The following CACNA1B variants were observed in gnomAD, a reference collection of about 807,000 sequenced individuals.
CACNA1B encodes the protein voltage-dependent N-type calcium channel subunit alpha-1B.
A neutral mutation model predicts 247.2 loss-of-function variants in CACNA1B; 70 were observed. The ratio of observed to expected loss-of-function variants is 0.28; its 90% CI spans 0.23 to 0.35. The LOEUF (loss-of-function observed/expected upper bound fraction) is 0.35. Among genes scored for constraint, CACNA1B ranks in the 10% least tolerant of loss-of-function variants. CACNA1B has a pLI of 1.00. For synonymous variants in CACNA1B, 1,231 were observed against 1,294.4 expected (o/e 0.95, Z 1.05); for missense variants, 2,367 against 3,197.4 (o/e 0.74, Z 6.26).
chr9:138,090,910 C>CA (rs984116600), intron 36 of CACNA1B, among the ~76,000 whole-genome samples: 8 of 150,828 alleles, frequency 5.3e-5, no homozygotes, highest in Admixed American at 4.6e-4. Context: ...CAAAAACACA[C>CA]AAAAAAAATA....
chr9:138,064,256 G>T (rs776677273), intron 31 of CACNA1B, among the ~76,000 whole-genome samples: 6 of 152,128 alleles, frequency 3.9e-5, no homozygotes, highest in Non-Finnish European at 8.8e-5. Flanking sequence ...AATGGTTGCT[G>T]TCTGGATCCA....
intron 20 of CACNA1B, among the ~76,000 whole-genome samples, chr9:138,027,100 T>A (rs1958930518): frequency 6.6e-6 from 1 of 152,264 alleles, no homozygotes; most frequent in African/African-American, 2.4e-5. Flanking sequence ...TTTTACCCAC[T>A]TTTTATTCTG....
intron 39 of CACNA1B, among the ~76,000 whole-genome samples, chr9:138,106,507 T>C (rs111248862): frequency 3.3e-5 from 5 of 152,336 alleles, no homozygotes; most frequent in Middle Eastern, 3.4e-3. Context: ...CGGTGGCTCA[T>C]GCCTGTAATC....
chr9:137,921,592 C>T (rs1259469370), intron 6 of CACNA1B, among the ~76,000 whole-genome samples: 1 of 146,302 alleles, frequency 6.8e-6, no homozygotes, highest in Non-Finnish European at 1.5e-5. Context: ...ATGATCAACA[C>T]CACGACCGCA....
rs754441803 is a variant in CACNA1B at position 138,120,697 on chromosome 9, G to A, written c.6305G>A (p.Arg2102Gln). 9 of 1,518,144 alleles carry A rather than the reference G, an allele frequency of 5.9e-6. No individual in the cohort carries two copies. The highest frequency in any genetic ancestry group is 2.5e-5 in the Admixed American group (1 of 39,660). 94.0% of individuals were successfully genotyped at this position (1,518,144 alleles called of 1,614,324 possible). A position where few individuals can be genotyped will look rare whatever the true frequency, so the allele number is the denominator to read the frequency against. ...GEGPTGCRRERERRQERGRSQ... is the reference protein window; with the variant it reads ...GEGPTGCRREQERRQERGRSQ... ...GGGCCTACAGGCTGCCGGCGGGAAC[G>A]AGAGCGCCGGCAGGAGCGGGGCCGG... The change falls in exon 46 of 47, where the codon CGA becomes CAA. Residue 2102 changes from arginine (R) to glutamine (Q), a missense_variant. This residue lies in a region of CACNA1B where 773 missense variants were observed against 779.4 expected (regional missense o/e 0.99). Transcript: ENST00000371372.
intron 16 of CACNA1B, among the ~76,000 whole-genome samples, chr9:138,009,570 G>A (rs1958698388): frequency 6.6e-6 from 1 of 152,248 alleles, no homozygotes; most frequent in African/African-American, 2.4e-5. Context: ...CCTGGAGCCT[G>A]TGGAGTAGGA....
chr9:138,028,023 C>CTTTTTTTTT, intron 20 of CACNA1B, among the ~76,000 whole-genome samples: 1 of 98,748 alleles, frequency 1.0e-5, no homozygotes, highest in Non-Finnish European at 2.0e-5. Flanking sequence ...CCCCCCCAAC[C>CTTTTTTTTT]TTTTTTTTTT....
At chr9:138,009,918 A>G in intron 16 of CACNA1B, 92 bp from the exon 17 acceptor site, 1 of 987,184 alleles carries the variant, frequency 1.0e-6, no homozygotes, top group South Asian at 1.4e-5. Context: ...AGGAGGCTGG[A>G]GGCTGGTTGG....
chr9:138,037,126 T>C (rs1959056322), intron 20 of CACNA1B, among the ~76,000 whole-genome samples: 1 of 152,210 alleles, frequency 6.6e-6, no homozygotes, highest in Non-Finnish European at 1.5e-5. Context: ...TCCCGTAGAA[T>C]TTCTCAGTTT....
intron 41 of CACNA1B, 133 bp from the exon 42 acceptor site, chr9:138,115,419 A>T: frequency 1.1e-6 from 1 of 903,882 alleles, no homozygotes. Context: ...GCCCCTTGCT[A>T]AGGGGAAAGA....
intron 6 of CACNA1B, among the ~76,000 whole-genome samples, chr9:137,951,229 C>T (rs1046161527): frequency 3.3e-5 from 5 of 152,218 alleles, no homozygotes; most frequent in African/African-American, 9.7e-5. Context: ...CTGAATGTCA[C>T]TTCTGGTTTC....
At chr9:138,026,591 T>C (rs1257401716) in intron 20 of CACNA1B, among the ~76,000 whole-genome samples, 1 of 152,240 alleles carries the variant, frequency 6.6e-6, no homozygotes, top group Non-Finnish European at 1.5e-5. Context: ...TTTGTGTCTT[T>C]TTGTGGCTTG....
intron 10 of CACNA1B, among the ~76,000 whole-genome samples, chr9:137,961,202 T>A (rs1437835272): frequency 1.3e-5 from 2 of 152,198 alleles, no homozygotes; most frequent in Non-Finnish European, 2.9e-5. Context: ...TCAGCTTGCC[T>A]GTTGTTGGTA....
rs142621073 is a variant in CACNA1B at position 138,097,114 on chromosome 9, A to T, written c.5222+503A>T. ...CTCTTTCTTTTGGGGACAGGGGCCAACATGCACCTCTGTGTCCCCAGCCCA... is the reference window on the plus strand; with the variant it reads ...CTCTTTCTTTTGGGGACAGGGGCCATCATGCACCTCTGTGTCCCCAGCCCA... On this transcript the variant is annotated intron_variant, in intron 37 of 46. Transcript: ENST00000371372. 3.9e-5 allele frequency among the ~76,000 whole-genome samples: 6 copies of T among 152,144 alleles called. No homozygotes were observed. In the East Asian group the frequency reaches 9.7e-4, roughly 25 times the overall value.
rs562752797 is a variant in CACNA1B at position 138,097,451 on chromosome 9, C to T, written c.5222+840C>T. Among the ~76,000 whole-genome samples the T allele has an allele frequency of 3.9e-5, 6 of 152,280 alleles. No individual in the cohort carries two copies. In the South Asian group the frequency reaches 1.2e-3, roughly 32 times the overall value. On this transcript the variant is annotated intron_variant, in intron 37 of 46. Transcript: ENST00000371372. ...TGGCTTCTCCATCTTTCTGTTTGTCCATTCCTTCCATCACTCGTTCCTCAT... is the reference window on the plus strand; with the variant it reads ...TGGCTTCTCCATCTTTCTGTTTGTCTATTCCTTCCATCACTCGTTCCTCAT...
intron 3 of CACNA1B, among the ~76,000 whole-genome samples, chr9:137,885,307 G>A (rs531185319): frequency 1.3e-5 from 2 of 152,122 alleles, no homozygotes; most frequent in South Asian, 2.1e-4. Flanking sequence ...CTGGGGACAC[G>A]TGAACCCCTG....
chr9:137,902,668 T>C, intron 3 of CACNA1B, among the ~76,000 whole-genome samples: 1 of 152,246 alleles, frequency 6.6e-6, no homozygotes, highest in Middle Eastern at 3.2e-3. Flanking sequence ...TGATATCCAC[T>C]GTTAATATTT....
At chr9:137,926,205 G>C (rs935687412) in intron 6 of CACNA1B, among the ~76,000 whole-genome samples, 1 of 151,856 alleles carries the variant, frequency 6.6e-6, no homozygotes, top group African/African-American at 2.4e-5. Flanking sequence ...GAGTAGCTGG[G>C]ATTACAGGCA....
At chr9:138,005,115 G>T (rs1958630983) in intron 15 of CACNA1B, among the ~76,000 whole-genome samples, 1 of 152,140 alleles carries the variant, frequency 6.6e-6, no homozygotes. Flanking sequence ...CCCACTGCTG[G>T]GTGTTTATCC....
Sources: allele counts gnomAD v4.1 joint callset (sites outside exome capture counted in the v4.1 genomes callset), GRCh38; gene constraint gnomAD v4.1.1; regional missense constraint gnomAD v4.1.1; transcripts MANE v1.5; gene names NCBI Gene and HGNC (gene_info 2026-07-23, HGNC 2026-07-21).